DST: variants seen among roughly 807,000 people sequenced by gnomAD.
DST encodes bullous pemphigoid antigen.
Under a neutral mutation model 875.2 loss-of-function variants are expected in DST, and 253 were observed. The ratio of observed to expected loss-of-function variants is 0.29; its 90% CI spans 0.26 to 0.32. The LOEUF (loss-of-function observed/expected upper bound fraction) is 0.32, where lower values mean the gene tolerates loss of function less well. Ranked by LOEUF, DST falls within the 10% of genes least tolerant of loss-of-function variation. The pLI, the probability that DST is intolerant of heterozygous loss-of-function variation, is 1.00. For missense variants in DST, 8,287 were observed against 9,111.6 expected, an observed-to-expected ratio of 0.91 and a Z score of 3.68; for synonymous variants, 3,124 against 3,197.1, an observed-to-expected ratio of 0.98 and a Z score of 0.77.
At chr6:56,628,273 G>T in intron 32 of DST, 112 bp from the exon 33 acceptor site, 1 of 939,512 alleles carries the variant, frequency 1.1e-6, no homozygotes, top group South Asian at 1.4e-5. Flanking sequence ...CTAAGCACAA[G>T]ACGGGTATGT....
At chr6:56,795,048 A>C (rs1220283446) in intron 4 of DST, among the ~76,000 whole-genome samples, 2 of 152,194 alleles carry the variant, frequency 1.3e-5, no homozygotes, top group African/African-American at 4.8e-5. Flanking sequence ...CTTATAGGAA[A>C]AACCAGGAGG....
chr6:56,534,366 A>T (rs2096955593), intron 63 of DST, among the ~76,000 whole-genome samples: 1 of 152,070 alleles, frequency 6.6e-6, no homozygotes, highest in Non-Finnish European at 1.5e-5. Context: ...GCTGATTACT[A>T]CTCAAAGTGG....
At chr6:56,479,371 T>C (rs1338059872) in intron 90 of DST, among the ~76,000 whole-genome samples, 1 of 152,124 alleles carries the variant, frequency 6.6e-6, no homozygotes, top group Non-Finnish European at 1.5e-5. Flanking sequence ...TATGAAAATA[T>C]TTCAAAAAAC....
rs534044028 is a variant in DST, at chr6:56,619,056, C to G, written c.4930-4572G>C. The stretch of plus-strand genomic sequence containing the variant: ...TCACACTTTTGCTTAAATTCACTTA[C>G]CAAATTTTGACTTTTCGCCAGGTCT... On this transcript the variant is annotated intron_variant, in intron 36 of 103. Coordinates refer to ENST00000680361, the MANE Select transcript of DST (RefSeq NM_001374736.1). The G allele has an allele frequency of 1.9e-6, 3 of 1,613,988 alleles. No individual in the cohort carries two copies. The highest frequency in any genetic ancestry group is 2.5e-6 in the Non-Finnish European group (3 of 1,179,978).
intron 4 of DST, among the ~76,000 whole-genome samples, chr6:56,845,394 T>G (rs2099806087): frequency 6.6e-6 from 1 of 152,214 alleles, no homozygotes; most frequent in African/African-American, 2.4e-5. Context: ...AAAACTGACT[T>G]GAGATAGAAC....
At chr6:56,650,815 T>G in intron 12 of DST, 111 bp downstream of exon 12, 1 of 623,518 alleles carries the variant, frequency 1.6e-6, no homozygotes, top group East Asian at 2.8e-5. Context: ...TTAACTCAAA[T>G]TCTTTAAAAT....
At chr6:56,874,514 C>T (rs188048136) in intron 3 of DST, among the ~76,000 whole-genome samples, 15 of 152,304 alleles carry the variant, frequency 9.8e-5, no homozygotes, top group Non-Finnish European at 1.8e-4. Flanking sequence ...TAATAGCTCA[C>T]AAAACTTGTC....
intron 50 of DST, among the ~76,000 whole-genome samples, chr6:56,578,233 A>G (rs9689355): frequency 0.43 from 65,515 of 151,978 alleles, 14,644 homozygotes; most frequent in African/African-American, 0.51. Flanking sequence ...AATTAGCTGC[A>G]CATGACAGAG....
At chr6:56,577,331 A>C (rs971418703) in intron 50 of DST, among the ~76,000 whole-genome samples, 2 of 152,216 alleles carry the variant, frequency 1.3e-5, no homozygotes, top group African/African-American at 2.4e-5. Context: ...CCTCACAGCA[A>C]TGGTATCTAA....
At chr6:56,871,809 G>T in intron 3 of DST, 1 of 317,864 alleles carries the variant, frequency 3.1e-6, no homozygotes, top group Non-Finnish European at 5.8e-6. Context: ...AAAGAAAAGA[G>T]GTGTGGCATC....
chr6:56,827,695 C>T (rs1345671362), intron 4 of DST, among the ~76,000 whole-genome samples: 1 of 151,986 alleles, frequency 6.6e-6, no homozygotes, highest in Non-Finnish European at 1.5e-5. Flanking sequence ...TCCTTCCCAA[C>T]CATGCATTTA....
intron 10 of DST, among the ~76,000 whole-genome samples, chr6:56,656,699 T>C (rs1379980181): frequency 6.6e-6 from 1 of 152,220 alleles, no homozygotes; most frequent in East Asian, 1.9e-4. Context: ...TTCTCTGCAA[T>C]ATCCTGGTAT....
intron 37 of DST, among the ~76,000 whole-genome samples, chr6:56,613,703 T>G (rs1262613830): frequency 6.6e-6 from 1 of 152,180 alleles, no homozygotes; most frequent in Non-Finnish European, 1.5e-5. Flanking sequence ...ACCAACATCC[T>G]AAGAGCTTTA....
At chr6:56,514,578 T>TACACACAC (rs766261479) in intron 72 of DST, among the ~76,000 whole-genome samples, 29 of 145,136 alleles carry the variant, frequency 2.0e-4, no homozygotes, top group African/African-American at 6.0e-4. Context: ...CACAGGCGTA[T>TACACACAC]ACACACACAC....
intron 36 of DST, chr6:56,618,128 G>A: frequency 6.2e-7 from 1 of 1,614,102 alleles, no homozygotes; most frequent in Non-Finnish European, 8.5e-7. Context: ...CTCATCAAAA[G>A]TTATCTGTAA....
intron 92 of DST, among the ~76,000 whole-genome samples, chr6:56,475,394 AACACACACACACACACACACAC>A (rs35690052): frequency 9.7e-5 from 14 of 144,978 alleles, no homozygotes; most frequent in South Asian, 2.2e-4. Flanking sequence ...AGGCTTTTAA[AACACACACACACACACACACAC>A]ACACACACAC....
intron 36 of DST, chr6:56,620,686 A>G: frequency 6.2e-7 from 1 of 1,614,100 alleles, no homozygotes; most frequent in Non-Finnish European, 8.5e-7. Context: ...AATATGCCCC[A>G]TGTTCAGAAG....
rs753976176 is a variant in DST at position 56,670,706 on chromosome 6, C to T, written c.1149G>A (p.Arg383=). The change falls in exon 10 of 104, where the codon CGG becomes CGA. Residue 383 remains arginine, a synonymous_variant. Coordinates refer to ENST00000680361, the MANE Select transcript of DST (RefSeq NM_001374736.1). ...TCCAGCAGGTAGTGAAATTTTCACACCGAATTCCAGCATAACCCTCTGTTG... is the reference window on the plus strand; with the variant it reads ...TCCAGCAGGTAGTGAAATTTTCACATCGAATTCCAGCATAACCCTCTGTTG... ...QQATEGYAGI[R]CENFTTCWRD... 2.2e-5 allele frequency: 36 copies of T among 1,609,012 alleles called. No homozygotes were observed. Among genetic ancestry groups the T allele is most frequent in the Middle Eastern group, 1.7e-4 (1 of 6,058 alleles).
chr6:56,766,706 CT>C (rs1292354411), intron 4 of DST, among the ~76,000 whole-genome samples: 3 of 151,972 alleles, frequency 2.0e-5, no homozygotes, highest in Non-Finnish European at 4.4e-5. Context: ...AATTTTTGCA[CT>C]TTTAGTAGAG....
Sources: gnomAD v4.1 joint callset for allele counts (sites outside exome capture counted in the v4.1 genomes callset) on GRCh38, gnomAD v4.1.1 for gene constraint, MANE v1.5 for transcripts, NCBI Gene and HGNC (gene_info 2026-07-23, HGNC 2026-07-21) for gene names.